The following RALYL variants were observed in gnomAD, a reference collection of about 807,000 sequenced individuals.
RALYL encodes the protein RNA-binding Raly-like protein.
RALYL carries 29 observed loss-of-function variants against 35.1 expected under a neutral mutation model. That is an observed-to-expected ratio of 0.83 (90% CI 0.61 to 1.13). The LOEUF (loss-of-function observed/expected upper bound fraction) is 1.13, where lower values mean the gene tolerates loss of function less well. Among genes scored for constraint, RALYL ranks in the 50% most tolerant of loss-of-function variants. The pLI, the probability that RALYL is intolerant of heterozygous loss-of-function variation, is 0.00. For missense variants in RALYL, 359 were observed against 360.4 expected, an observed-to-expected ratio of 1.00 and a Z score of 0.03; for synonymous variants, 120 against 127.6, an observed-to-expected ratio of 0.94 and a Z score of 0.40.
intron 2 of RALYL, among the ~76,000 whole-genome samples, chr8:84,562,066 G>A (rs2061499834): frequency 6.6e-6 from 1 of 151,834 alleles, no homozygotes; most frequent in South Asian, 2.1e-4. Context: ...ACCTTTGAAA[G>A]CTATAGTACA....
At chr8:84,253,763 G>C (rs1830696656) in intron 1 of RALYL, among the ~76,000 whole-genome samples, 1 of 152,086 alleles carries the variant, frequency 6.6e-6, no homozygotes, top group African/African-American at 2.4e-5. Context: ...TCTAGGTAGA[G>C]TAGAATTTAT....
chr8:84,275,081 C>A (rs1835096176), intron 1 of RALYL, among the ~76,000 whole-genome samples: 1 of 152,136 alleles, frequency 6.6e-6, no homozygotes, highest in Non-Finnish European at 1.5e-5. Context: ...ATCAAAGTTA[C>A]AAATCATCTT....
chr8:84,542,385 T>TGTGG (rs1349824590), intron 2 of RALYL, among the ~76,000 whole-genome samples: 1 of 152,116 alleles, frequency 6.6e-6, no homozygotes, highest in East Asian at 1.9e-4. Flanking sequence ...TACATTATAA[T>TGTGG]TTCTTAAATA....
rs1463472543 is a variant in RALYL, at chr8:84,415,170, T to TTTTTTA, written c.-23-114128_-23-114123dup. On this transcript the variant is annotated intron_variant, in intron 1 of 8. Coordinates refer to ENST00000521268, the MANE Select transcript of RALYL (RefSeq NM_173848.7). ...TAATATTCTGCCTCTGTTTTTTTTT[T>TTTTTTA]TTTTTAATGGAAGTTATTCTACTTG... Among the ~76,000 whole-genome samples, 1,423 of 151,330 alleles carry TTTTTTA rather than the reference T, an allele frequency of 9.4e-3. 37 individuals carry two copies. Among genetic ancestry groups the TTTTTTA allele is most frequent in the African/African-American group, 0.033 (1,328 of 40,792 alleles).
intron 2 of RALYL, among the ~76,000 whole-genome samples, chr8:84,555,485 C>T (rs964462683): frequency 6.6e-6 from 1 of 152,090 alleles, no homozygotes; most frequent in South Asian, 2.1e-4. Flanking sequence ...TCCTGTGGAA[C>T]CTCTTTAGGC....
intron 1 of RALYL, among the ~76,000 whole-genome samples, chr8:84,476,333 C>T (rs2053415874): frequency 6.6e-6 from 1 of 152,150 alleles, no homozygotes; most frequent in South Asian, 2.1e-4. Flanking sequence ...GACAGTACAT[C>T]TAGTCAAAAC....
At chr8:84,194,974 G>A (rs1190374380) in intron 1 of RALYL, among the ~76,000 whole-genome samples, 1 of 151,828 alleles carries the variant, frequency 6.6e-6, no homozygotes, top group Non-Finnish European at 1.5e-5. Context: ...ACTTTGATTG[G>A]TACAGCAATA....
intron 1 of RALYL, among the ~76,000 whole-genome samples, chr8:84,237,800 A>G (rs1284940390): frequency 6.6e-6 from 1 of 152,186 alleles, no homozygotes; most frequent in Non-Finnish European, 1.5e-5. Context: ...TGCATATGTG[A>G]AAGAACATTT....
chr8:84,802,959 A>G (rs913529530), intron 3 of RALYL, among the ~76,000 whole-genome samples: 2 of 152,200 alleles, frequency 1.3e-5, no homozygotes, highest in African/African-American at 4.8e-5. Context: ...CTAATGAGAC[A>G]TGGAGGCTGA....
intron 6 of RALYL, among the ~76,000 whole-genome samples, chr8:84,865,998 C>G (rs1839110273): frequency 6.6e-6 from 1 of 152,288 alleles, no homozygotes; most frequent in East Asian, 1.9e-4. Context: ...AGCGATAAAG[C>G]ATCAACCAGA....
intron 2 of RALYL, among the ~76,000 whole-genome samples, chr8:84,712,159 G>T (rs909637849): frequency 2.6e-5 from 4 of 152,034 alleles, no homozygotes; most frequent in African/African-American, 9.7e-5. Context: ...TTATTCTCAA[G>T]TTCTAGTATG....
At chr8:84,882,140 G>T (rs1469006307) in intron 7 of RALYL, among the ~76,000 whole-genome samples, 1 of 151,918 alleles carries the variant, frequency 6.6e-6, no homozygotes, top group Admixed American at 6.6e-5. Flanking sequence ...TAATGTAGGT[G>T]TCTTAGAGGT....
At chr8:84,721,985 G>A (rs1160429434) in intron 2 of RALYL, among the ~76,000 whole-genome samples, 1 of 152,004 alleles carries the variant, frequency 6.6e-6, no homozygotes, top group Non-Finnish European at 1.5e-5. Context: ...GTTATTGCAG[G>A]TGAAAGCTCT....
chr8:84,320,784 AC>A (rs943367728), intron 1 of RALYL, among the ~76,000 whole-genome samples: 1 of 152,120 alleles, frequency 6.6e-6, no homozygotes, highest in Non-Finnish European at 1.5e-5. Context: ...GAGTTAGAGA[AC>A]TAAAAACTAA....
chr8:84,876,193 G>T (rs1472737649), intron 7 of RALYL, among the ~76,000 whole-genome samples: 2 of 152,038 alleles, frequency 1.3e-5, no homozygotes, highest in East Asian at 3.9e-4. Context: ...CCAACACCAG[G>T]TATTATGTAC....
At chr8:84,317,027 A>G (rs1365116836) in intron 1 of RALYL, among the ~76,000 whole-genome samples, 1 of 151,188 alleles carries the variant, frequency 6.6e-6, no homozygotes, top group East Asian at 1.9e-4. Flanking sequence ...TTCATGATTC[A>G]TAGGAGCAAA....
At chr8:84,425,988 C>A (rs866214067) in intron 1 of RALYL, among the ~76,000 whole-genome samples, 2 of 152,046 alleles carry the variant, frequency 1.3e-5, no homozygotes, top group South Asian at 2.1e-4. Flanking sequence ...TTGAGGATAA[C>A]CGTTTATCCA....
intron 1 of RALYL, among the ~76,000 whole-genome samples, chr8:84,382,436 A>G (rs1380510814): frequency 6.6e-6 from 1 of 151,758 alleles, no homozygotes; most frequent in Non-Finnish European, 1.5e-5. Context: ...TTCTGTGATG[A>G]CTTGGATTAT....
rs1204962618 is a variant in RALYL at position 84,729,590 on chromosome 8, C to T, written c.257-44989C>T. On this transcript the variant is annotated intron_variant, in intron 2 of 8. Transcript: ENST00000521268. ...AAACCCTTCAAAAAATTAATGAATC[C>T]AGAAGCTGGTTTTTTGAAAGGATCA... 5.3e-5 allele frequency among the ~76,000 whole-genome samples: 8 copies of T among 152,150 alleles called. No homozygotes were observed. In the East Asian group the frequency reaches 1.5e-3, roughly 29 times the overall value.
Sources: gnomAD v4.1 joint callset for allele counts (sites outside exome capture counted in the v4.1 genomes callset) on GRCh38, gnomAD v4.1.1 for gene constraint, MANE v1.5 for transcripts, NCBI Gene and HGNC (gene_info 2026-07-23, HGNC 2026-07-21) for gene names.